Variants in PAOX observed in about 807,000 individuals in gnomAD.
PAOX encodes the protein peroxisomal N(1)-acetyl-spermine/spermidine oxidase.
A neutral mutation model predicts 39.0 loss-of-function variants in PAOX; 38 were observed. That is an observed-to-expected ratio of 0.97 (90% CI 0.75 to 1.28). The LOEUF is 1.28. PAOX is among the 50% of genes most tolerant of loss of function. The probability of loss-of-function intolerance (pLI) is 0.00; values close to 1 mark genes in which losing one functional copy is unlikely to be tolerated. For synonymous variants in PAOX, 311 were observed against 314.4 expected (o/e 0.99, Z 0.11); for missense variants, 667 against 685.7 (o/e 0.97, Z 0.30).
At chr10:133,389,823 A>C (rs996681265) in intron 6 of PAOX, 76 bp downstream of exon 6, 42 of 1,364,550 alleles carry the variant, frequency 3.1e-5, no homozygotes, top group Admixed American at 2.7e-4. Context: ...CTGCAGGAGC[A>C]CCAGCCAGTG....
At position 133,380,447 on chromosome 10, in the gene PAOX, G is replaced by C; in HGVS notation, c.630G>C (p.Glu210Asp). The C allele has an allele frequency of 6.2e-7, 1 of 1,611,824 alleles. No individual in the cohort carries two copies. Among genetic ancestry groups the C allele is most frequent in the Non-Finnish European group, 8.5e-7 (1 of 1,180,006 alleles). The change falls in exon 2 of 7, where the codon GAG becomes GAC. Residue 210 changes from glutamate (E) to aspartate (D), a missense_variant. Physicochemically the swap from Glu to Asp is conservative, Grantham distance 45 (BLOSUM62 2). Coordinates refer to ENST00000278060, the MANE Select transcript of PAOX (RefSeq NM_152911.4). ...MDLVALAPFG[E>D]YTVLPGLDCT... is the part of the protein sequence containing the mutation. ...TGGTGGCCCTGGCACCCTTTGGGGAGTATACCGTGCTGCCGGGGCTGGACT... is the reference window on the plus strand; with the variant it reads ...TGGTGGCCCTGGCACCCTTTGGGGACTATACCGTGCTGCCGGGGCTGGACT...
At chr10:133,382,374 C>A (rs955577083) in intron 3 of PAOX, among the ~76,000 whole-genome samples, 1 of 152,164 alleles carries the variant, frequency 6.6e-6, no homozygotes, top group Admixed American at 6.5e-5. Context: ...AAAGCAGGAG[C>A]CTCCGCAGCC....
rs767910012 is a variant in PAOX, at chr10:133,384,266, T to G, written c.1121+54T>G. 8 of 1,593,796 alleles carry G rather than the reference T, an allele frequency of 5.0e-6. No individual in the cohort carries two copies. The highest frequency in any genetic ancestry group is 6.8e-6 in the Non-Finnish European group (8 of 1,168,122). ...AGTGGCTGGCTCATAGGCCTTCATC[T>G]GATGGAGGACGCAGCAGTGTGTCTG... is the stretch of plus-strand genomic sequence containing the variant. On this transcript the variant is annotated intron_variant, in intron 4 of 6. Transcript: ENST00000278060. This position sits in a 1 kb window ranked among gnomAD's most constrained non-coding sequence, Gnocchi z 4.3.
intron 1 of PAOX, 32 bp downstream of exon 1, chr10:133,379,529 C>G: frequency 8.2e-7 from 1 of 1,223,898 alleles, no homozygotes; most frequent in Non-Finnish European, 1.0e-6. Flanking sequence ...CCTCCCGGAA[C>G]CCAACCGGCT....
At chr10:133,385,665 GC>G (rs1219471949) in intron 4 of PAOX, among the ~76,000 whole-genome samples, 1 of 152,076 alleles carries the variant, frequency 6.6e-6, no homozygotes, top group Non-Finnish European at 1.5e-5. Flanking sequence ...CTCACTGCAA[GC>G]CCCACCTCCT....
In PAOX at chr10:133,391,301, C is replaced by T. The variant is rs768418097; in HGVS notation, c.1393-11C>T. 6.2e-7 allele frequency: 1 copy of T among 1,613,120 alleles called. No individual in the cohort carries two copies. Among genetic ancestry groups the T allele is most frequent in the Admixed American group, 1.7e-5 (1 of 60,020 alleles). On this transcript the variant is annotated splice_polypyrimidine_tract_variant and intron_variant, in intron 6 of 6. Coordinates refer to ENST00000278060, the MANE Select transcript of PAOX (RefSeq NM_152911.4). ...TTGCATCCCCATTCTAACCCTGGCT[C>T]TTCTTTGCAGCTCCAGATCCTGTTT...
At chr10:133,390,839 C>A (rs183219268) in intron 6 of PAOX, 1 of 571,902 alleles carries the variant, frequency 1.7e-6, no homozygotes, top group Non-Finnish European at 3.2e-6. Context: ...CCCACCCTCC[C>A]CATATGTGAT....
At position 133,391,654 on chromosome 10, in the gene PAOX, C is replaced by T; in HGVS notation, c.*199C>T. 2.5e-6 allele frequency: 2 copies of T among 798,962 alleles called. No homozygotes were observed. Among genetic ancestry groups the T allele is most frequent in the Non-Finnish European group, 3.8e-6 (2 of 522,250 alleles). The allele number at this position is 798,962 out of a possible 1,614,324, so 49.5% of individuals were successfully genotyped here. On this transcript the variant is annotated 3_prime_UTR_variant, in exon 7 of 7. Transcript: ENST00000278060. ...TTGACTTGAGCTGAGACACCAGATG[C>T]TCACGGAGATGCTGGACACATAAAG...
chr10:133,385,287 ACT>A (rs1221435566), intron 4 of PAOX, among the ~76,000 whole-genome samples: 2 of 151,488 alleles, frequency 1.3e-5, no homozygotes, highest in East Asian at 1.9e-4. Context: ...CAAGAGCAAA[ACT>A]CTGTCTAAAA....
intron 5 of PAOX, 119 bp from the exon 6 acceptor site, chr10:133,389,471 A>G: frequency 7.0e-7 from 1 of 1,420,384 alleles, no homozygotes; most frequent in South Asian, 1.3e-5. Context: ...TCTGCTGCTC[A>G]CTTTTCTTCC....
At chr10:133,382,950 G>C (rs951497769) in intron 3 of PAOX, 1 of 152,182 alleles carries the variant, frequency 6.6e-6, no homozygotes, top group Admixed American at 6.5e-5. Context: ...GTAAGTGCTT[G>C]CAGGCCCTGC....
chr10:133,387,938 C>T (rs1316447843), intron 4 of PAOX, among the ~76,000 whole-genome samples: 8 of 152,076 alleles, frequency 5.3e-5, no homozygotes, highest in African/African-American at 1.2e-4. Flanking sequence ...AGGCTGGTCT[C>T]GAACTCCTGA....
rs200477319 is a variant in PAOX at position 133,389,694 on chromosome 10, G to T, written c.1339G>T (p.Gly447Cys). 2 of 1,603,456 alleles carry T rather than the reference G, an allele frequency of 1.2e-6. No homozygotes were observed. Among genetic ancestry groups the T allele is most frequent in the African/African-American group, 2.7e-5 (2 of 74,744 alleles). Residue 447 changes from glycine to cysteine, a missense_variant, in exon 6 of 7, where the codon GGC becomes TGC. By Grantham distance (159) the Gly-to-Cys change is radical (BLOSUM62 -3). Coordinates refer to ENST00000278060, the MANE Select transcript of PAOX (RefSeq NM_152911.4). The part of the protein sequence containing the change: ...YSYVAVGSTG[G>C]DLDLLAQPLP... ...CTACGTGGCCGTGGGCAGTACTGGG[G>T]GCGACCTGGACCTGCTGGCTCAGCC...
At chr10:133,380,902 T>C (rs1474286697) in intron 2 of PAOX, among the ~76,000 whole-genome samples, 2 of 152,270 alleles carry the variant, frequency 1.3e-5, no homozygotes, top group Admixed American at 1.3e-4. Flanking sequence ...TGCTTGAACC[T>C]GGGAGGCGGA....
intron 3 of PAOX, among the ~76,000 whole-genome samples, chr10:133,382,655 A>T (rs983176604): frequency 2.0e-5 from 3 of 151,924 alleles, no homozygotes; most frequent in African/African-American, 7.3e-5. Flanking sequence ...GGTGGCAGGC[A>T]CCTGTAATTC....
intron 4 of PAOX, among the ~76,000 whole-genome samples, chr10:133,386,018 CT>C (rs60370984): frequency 1.1e-3 from 152 of 141,226 alleles, no homozygotes; most frequent in Middle Eastern, 3.6e-3. Flanking sequence ...TTCTGCAAAA[CT>C]TTTTTTTTTT....
chr10:133,391,031 G>A (rs377571602), intron 6 of PAOX: 15 of 702,194 alleles, frequency 2.1e-5, no homozygotes, highest in South Asian at 5.9e-5. Flanking sequence ...TGGTGGATGC[G>A]TGTGAGCCGT....
chr10:133,390,410 C>CACACACACACACACACA (rs1849643527), intron 6 of PAOX, among the ~76,000 whole-genome samples: 1 of 145,330 alleles, frequency 6.9e-6, no homozygotes, highest in African/African-American at 2.5e-5. Flanking sequence ...GAGTCGGTCT[C>CACACACACACACACACA]CACACACACA....
In PAOX at chr10:133,379,485, G is replaced by A; in HGVS notation, c.169G>A (p.Glu57Lys). The change falls in exon 1 of 7, where the codon GAG becomes AAG. Residue 57 changes from glutamate to lysine, a missense_variant. Physicochemically the swap from Glu to Lys is moderately conservative, Grantham distance 56. Transcript: ENST00000278060. ...TARAGGRIRS[E>K]RCFGGVVEVG... ...CCGCGCCGGGGGCCGCATCCGCTCG[G>A]AGCGCTGCTTCGGTAACCGCCCCTC... 1 of 1,225,658 alleles carries A rather than the reference G, an allele frequency of 8.2e-7. No individual in the cohort carries two copies. The highest frequency in any genetic ancestry group is 1.0e-6 in the Non-Finnish European group (1 of 984,180). The allele number at this position is 1,225,658 out of a possible 1,614,324, so 75.9% of individuals were successfully genotyped here.
Sources: allele counts gnomAD v4.1 joint callset (sites outside exome capture counted in the v4.1 genomes callset), GRCh38; gene constraint gnomAD v4.1.1; non-coding constraint Gnocchi (gnomAD v3.1); transcripts MANE v1.5; gene names NCBI Gene and HGNC (gene_info 2026-07-23, HGNC 2026-07-21).